The following MSI2 variants were observed in gnomAD, a reference collection of about 807,000 sequenced individuals.
The protein encoded by MSI2 is RNA-binding protein Musashi homolog 2.
In MSI2, 17 loss-of-function variants were observed where a neutral mutation model predicts 45.6. The ratio of observed to expected loss-of-function variants is 0.37; its 90% CI spans 0.26 to 0.56. The LOEUF (loss-of-function observed/expected upper bound fraction) is 0.56, where lower values mean the gene tolerates loss of function less well. MSI2 is among the 20% of genes least tolerant of loss of function. The probability of loss-of-function intolerance (pLI) is 0.77; values close to 1 mark genes in which losing one functional copy is unlikely to be tolerated. For missense variants in MSI2, 293 were observed against 444.2 expected (o/e 0.66, Z 3.06); for synonymous variants, 156 against 158.2 (o/e 0.99, Z 0.11).
chr17:57,443,796 A>G (rs530737611), intron 6 of MSI2, among the ~76,000 whole-genome samples: 281 of 152,278 alleles, frequency 1.8e-3, no homozygotes, highest in African/African-American at 6.5e-3. Context: ...AAAGGGGATC[A>G]TCATTGTCCC....
At chr17:57,645,426 G>C (rs946358603) in intron 10 of MSI2, among the ~76,000 whole-genome samples, 1 of 151,514 alleles carries the variant, frequency 6.6e-6, no homozygotes, top group Non-Finnish European at 1.5e-5. Flanking sequence ...AAGTTTTTTT[G>C]TTTTTTGTTT....
At chr17:57,438,285 C>T (rs1263887078) in intron 6 of MSI2, among the ~76,000 whole-genome samples, 1 of 152,128 alleles carries the variant, frequency 6.6e-6, no homozygotes, top group Non-Finnish European at 1.5e-5. Context: ...AGTCAGGCCC[C>T]GAGGAATAGC....
At chr17:57,448,511 A>G (rs1490994099) in intron 6 of MSI2, 1 of 152,202 alleles carries the variant, frequency 6.6e-6, no homozygotes, top group South Asian at 2.1e-4. Context: ...TCAGAGCAAC[A>G]CAGCAGTGGA....
intron 12 of MSI2, among the ~76,000 whole-genome samples, chr17:57,675,450 C>T (rs965839931): frequency 2.0e-5 from 3 of 152,224 alleles, no homozygotes; most frequent in African/African-American, 7.2e-5. Context: ...ACCAGAATCT[C>T]TATGCTTTCC....
chr17:57,697,809 C>A, the MSI2 span, among the ~76,000 whole-genome samples: 1 of 152,124 alleles, frequency 6.6e-6, no homozygotes, highest in Non-Finnish European at 1.5e-5. Context: ...GAAACCGCCC[C>A]CATGATTCAA....
chr17:57,322,089 G>A (rs1471979121), intron 5 of MSI2, among the ~76,000 whole-genome samples: 3 of 152,184 alleles, frequency 2.0e-5, no homozygotes, highest in Non-Finnish European at 2.9e-5. Context: ...GAGCCACCGC[G>A]CCCAGGCCTT....
intron 6 of MSI2, among the ~76,000 whole-genome samples, chr17:57,466,346 C>T (rs919612715): frequency 6.6e-6 from 1 of 152,236 alleles, no homozygotes; most frequent in Non-Finnish European, 1.5e-5. Flanking sequence ...CTGTGGCTCC[C>T]TGGCATAATA....
At chr17:57,339,523 G>A (rs1914955420) in intron 5 of MSI2, among the ~76,000 whole-genome samples, 2 of 152,142 alleles carry the variant, frequency 1.3e-5, no homozygotes, top group African/African-American at 4.8e-5. Context: ...GCACGGACTT[G>A]CCCTGCTGTC....
chr17:57,633,952 G>A (rs1909629847), intron 10 of MSI2, among the ~76,000 whole-genome samples: 1 of 152,134 alleles, frequency 6.6e-6, no homozygotes, highest in Admixed American at 6.5e-5. Flanking sequence ...TGAAGCTAGA[G>A]ACTTGCTAGG....
intron 5 of MSI2, among the ~76,000 whole-genome samples, chr17:57,361,993 A>C (rs964103316): frequency 3.3e-5 from 5 of 152,336 alleles, no homozygotes; most frequent in African/African-American, 1.2e-4. Context: ...AAAATACATA[A>C]AACTGAGGTC....
chr17:57,559,106 T>A (rs528344906), intron 7 of MSI2, among the ~76,000 whole-genome samples: 1 of 152,284 alleles, frequency 6.6e-6, no homozygotes, highest in East Asian at 1.9e-4. Flanking sequence ...GACATCATTT[T>A]AATTCATACC....
chr17:57,521,944 C>A (rs1026195672), intron 6 of MSI2, among the ~76,000 whole-genome samples: 2 of 152,194 alleles, frequency 1.3e-5, no homozygotes, highest in Non-Finnish European at 1.5e-5. Context: ...CCAACCCCAC[C>A]CTTTTCAAGG....
At chr17:57,562,038 C>A (rs2087589120) in intron 7 of MSI2, among the ~76,000 whole-genome samples, 1 of 152,222 alleles carries the variant, frequency 6.6e-6, no homozygotes, top group Non-Finnish European at 1.5e-5. Flanking sequence ...AAGAACACTT[C>A]TTCAGATGTG....
At chr17:57,412,212 A>G (rs2084210864) in intron 6 of MSI2, among the ~76,000 whole-genome samples, 1 of 151,702 alleles carries the variant, frequency 6.6e-6, no homozygotes, top group South Asian at 2.1e-4. Context: ...TAATTTTTGT[A>G]TTTTTAGTAG....
Position 57,332,100 on chromosome 17 carries a change from A to T in MSI2, c.313-69279A>T, listed in dbSNP as rs1230541434. 3.1e-3 allele frequency among the ~76,000 whole-genome samples: 427 copies of T among 136,422 alleles called. 1 individual carries two copies. The highest frequency in any genetic ancestry group is 0.01 in the African/African-American group (387 of 37,152). The allele number at this position is 136,422 out of a possible 152,430, so 89.5% of individuals were successfully genotyped here. ...AAAGTTTGTAATTGGTCATGTTGCC[A>T]TTTTTTTTTTTTTTTTTTGAAATGG... On this transcript the variant is annotated intron_variant, in intron 5 of 13. Transcript: ENST00000284073.
intron 6 of MSI2, among the ~76,000 whole-genome samples, chr17:57,445,091 C>T (rs1306184107): frequency 1.3e-5 from 2 of 152,188 alleles, no homozygotes; most frequent in African/African-American, 4.8e-5. Context: ...CCCCAGGATG[C>T]ACTGCCAGTG....
intron 4 of MSI2, among the ~76,000 whole-genome samples, chr17:57,261,906 G>A (rs1907342918): frequency 6.6e-6 from 1 of 152,164 alleles, no homozygotes; most frequent in Non-Finnish European, 1.5e-5. Flanking sequence ...TTTATTAAGA[G>A]CATCACACAC....
intron 7 of MSI2, among the ~76,000 whole-genome samples, chr17:57,595,179 T>G (rs977949522): frequency 1.8e-4 from 28 of 152,106 alleles, no homozygotes; most frequent in Admixed American, 1.4e-3. Context: ...CCTGAGAAAT[T>G]CCCTCTCCGT....
rs531244136 is a variant in MSI2 at position 57,652,270 on chromosome 17, C to T, written c.790+109C>T. The T allele has an allele frequency of 6.1e-6, 7 of 1,149,552 alleles. No homozygotes were observed. In the Admixed American group the frequency reaches 7.4e-5, roughly 12 times the overall value. The allele number at this position is 1,149,552 out of a possible 1,614,324, so 71.2% of individuals were successfully genotyped here. A position where few individuals can be genotyped will look rare whatever the true frequency, so the allele number is the denominator to read the frequency against. On this transcript the variant is annotated intron_variant, in intron 11 of 13. Coordinates refer to ENST00000284073, the MANE Select transcript of MSI2 (RefSeq NM_138962.4). This position sits in a 1 kb window ranked among gnomAD's most constrained non-coding sequence, Gnocchi z 4.1. The stretch of plus-strand genomic sequence containing the variant: ...CTGCATCTGTCCAACACCACTCTCA[C>T]CACAGCCCCGGGGAGGGGGTGGACG...
Sources: allele counts gnomAD v4.1 joint callset (sites outside exome capture counted in the v4.1 genomes callset), GRCh38; gene constraint gnomAD v4.1.1; non-coding constraint Gnocchi (gnomAD v3.1); transcripts MANE v1.5; gene names NCBI Gene and HGNC (gene_info 2026-07-23, HGNC 2026-07-21).